The following BCAT1 variants were observed in gnomAD, a reference collection of about 807,000 sequenced individuals.
BCAT1 encodes branched chain amino acid transaminase 1.
BCAT1 carries 48 observed loss-of-function variants against 52.4 expected under a neutral mutation model. That is an observed-to-expected ratio of 0.92 (90% CI 0.73 to 1.16). BCAT1 has a LOEUF of 1.16. Ranked by LOEUF, BCAT1 falls within the 50% of genes most tolerant of loss-of-function variation. The pLI is 0.00. For missense variants in BCAT1, 451 were observed against 457.1 expected (o/e 0.99, Z 0.12); for synonymous variants, 167 against 161.3 (o/e 1.04, Z -0.27).
At chr12:24,928,459 G>A (rs1189027868) in intron 1 of BCAT1, among the ~76,000 whole-genome samples, 1 of 151,894 alleles carries the variant, frequency 6.6e-6, no homozygotes, top group Non-Finnish European at 1.5e-5. Flanking sequence ...GGCAAAAGGG[G>A]GATCTGGTCT....
At chr12:24,900,300 T>C (rs1333134018) in intron 2 of BCAT1, among the ~76,000 whole-genome samples, 1 of 152,200 alleles carries the variant, frequency 6.6e-6, no homozygotes. Flanking sequence ...AAAAAGATTA[T>C]TTATGGCCAG....
chr12:24,866,845 G>A (rs1276423995), intron 5 of BCAT1, among the ~76,000 whole-genome samples: 1 of 152,096 alleles, frequency 6.6e-6, no homozygotes, highest in East Asian at 1.9e-4. Context: ...GCAGGATGTG[G>A]GTGGGGCCAG....
intron 4 of BCAT1, among the ~76,000 whole-genome samples, chr12:24,878,907 TA>T (rs1176959098): frequency 3.9e-5 from 6 of 152,146 alleles, no homozygotes; most frequent in Middle Eastern, 3.4e-3. Context: ...ATGGTACCAA[TA>T]AAAAAAATTT....
Position 24,812,954 on chromosome 12 carries a change from T to C in BCAT1, c.*5054A>G, listed in dbSNP as rs1939738741. The C allele has an allele frequency of 1.3e-5, 2 of 151,998 alleles. No individual in the cohort carries two copies. The highest frequency in any genetic ancestry group is 6.6e-5 in the Admixed American group (1 of 15,232). 9.4% of individuals were successfully genotyped at this position (151,998 alleles called of 1,614,324 possible). A position where few individuals can be genotyped will look rare whatever the true frequency, so the allele number is the denominator to read the frequency against. On this transcript the variant is annotated 3_prime_UTR_variant, in exon 11 of 11. Coordinates refer to ENST00000261192, the MANE Select transcript of BCAT1 (RefSeq NM_005504.7). The stretch of plus-strand genomic sequence containing the variant: ...TACGTCTTGTTGATTGGGTCTATTG[T>C]AGAATGAAAAATACACTTTCAGACA...
At chr12:24,902,400 A>G (rs1362606891) in intron 1 of BCAT1, 3 of 1,101,866 alleles carry the variant, frequency 2.7e-6, no homozygotes, top group Non-Finnish European at 3.3e-6. Context: ...CACACCTTAA[A>G]CCTCATGGTA....
intron 5 of BCAT1, among the ~76,000 whole-genome samples, chr12:24,869,982 G>A (rs1942135147): frequency 6.9e-6 from 1 of 144,500 alleles, no homozygotes; most frequent in African/African-American, 2.6e-5. Flanking sequence ...ACATGTAAGG[G>A]TGTGTGTGTG....
intron 1 of BCAT1, among the ~76,000 whole-genome samples, chr12:24,914,157 C>A (rs1453928558): frequency 2.0e-5 from 3 of 151,122 alleles, no homozygotes; most frequent in South Asian, 2.1e-4. Flanking sequence ...TCTCAGCTCA[C>A]TGCAAGCTCT....
At chr12:24,866,851 G>A (rs1193524154) in intron 5 of BCAT1, among the ~76,000 whole-genome samples, 1 of 152,052 alleles carries the variant, frequency 6.6e-6, no homozygotes, top group Non-Finnish European at 1.5e-5. Context: ...TGTGGGTGGG[G>A]CCAGATAAGA....
intron 6 of BCAT1, among the ~76,000 whole-genome samples, chr12:24,842,669 T>C (rs1941210042): frequency 2.0e-5 from 3 of 152,154 alleles, no homozygotes; most frequent in South Asian, 2.1e-4. Flanking sequence ...CAAGTTGCAA[T>C]AGAAGAGCAG....
rs1269948782 is a variant in BCAT1 at position 24,815,983 on chromosome 12, G to A, written c.*2025C>T. ...GAATGAGGTCAAAGGAGTTAGCCAAGGCGAAAGCACACCCTTAGAATGTTG... is the reference window on the plus strand; with the variant it reads ...GAATGAGGTCAAAGGAGTTAGCCAAAGCGAAAGCACACCCTTAGAATGTTG... On this transcript the variant is annotated 3_prime_UTR_variant, in exon 11 of 11. Coordinates refer to ENST00000261192, the MANE Select transcript of BCAT1 (RefSeq NM_005504.7). 1 of 152,254 alleles carries A rather than the reference G, an allele frequency of 6.6e-6. No homozygotes were observed. The highest frequency in any genetic ancestry group is 1.5e-5 in the Non-Finnish European group (1 of 68,102). The allele number at this position is 152,254 out of a possible 1,614,324, so 9.4% of individuals were successfully genotyped here.
At chr12:24,825,814 C>G (rs1439917378) in intron 10 of BCAT1, among the ~76,000 whole-genome samples, 46 of 152,134 alleles carry the variant, frequency 3.0e-4, no homozygotes, top group Non-Finnish European at 1.2e-4. Context: ...AATCTATTCC[C>G]TTTGTGGATT....
At chr12:24,903,206 C>T in intron 1 of BCAT1, 1 of 1,048,450 alleles carries the variant, frequency 9.5e-7, no homozygotes, top group Non-Finnish European at 1.2e-6. Context: ...CCCAGTCTGT[C>T]TGCAGTCGCT....
intron 5 of BCAT1, among the ~76,000 whole-genome samples, chr12:24,874,726 G>T (rs1025645968): frequency 2.6e-5 from 4 of 152,140 alleles, no homozygotes; most frequent in Non-Finnish European, 5.9e-5. Flanking sequence ...TCTGATCCTG[G>T]CTCTAGAAAT....
At chr12:24,948,856 T>C in intron 1 of BCAT1, 71 bp downstream of exon 1, 1 of 1,536,248 alleles carries the variant, frequency 6.5e-7, no homozygotes, top group Non-Finnish European at 8.8e-7. Context: ...CAACTATGTT[T>C]CTTGGAGAAA....
chr12:24,889,306 T>C (rs1942772109), intron 3 of BCAT1, among the ~76,000 whole-genome samples: 3 of 152,228 alleles, frequency 2.0e-5, no homozygotes. Context: ...ATATCTGGCC[T>C]GTGAAATCTT....
In BCAT1 at chr12:24,889,597, T is replaced by C. The variant is rs539302913; in HGVS notation, c.279+4678A>G. ...TGGCTGGTAACTCCCATAGCCCTTG[T>C]TACAGTCTTTTGTTATAATGCTGGG... On this transcript the variant is annotated intron_variant, in intron 3 of 10. Coordinates refer to ENST00000261192, the MANE Select transcript of BCAT1 (RefSeq NM_005504.7). 2.0e-5 allele frequency among the ~76,000 whole-genome samples: 3 copies of C among 152,288 alleles called. No individual in the cohort carries two copies. In the East Asian group the frequency reaches 5.8e-4, roughly 29 times the overall value.
chr12:24,920,101 CT>C (rs1257491504), intron 1 of BCAT1, among the ~76,000 whole-genome samples: 3 of 152,096 alleles, frequency 2.0e-5, no homozygotes, highest in African/African-American at 7.2e-5. Context: ...ATTTCTCTAT[CT>C]GTAAAATAAT....
chr12:24,863,448 G>A (rs774449624), intron 5 of BCAT1, among the ~76,000 whole-genome samples: 4 of 152,184 alleles, frequency 2.6e-5, no homozygotes, highest in Non-Finnish European at 4.4e-5. Context: ...AACACTCAAC[G>A]TTTGAAGAGT....
At chr12:24,880,766 T>A (rs952985500) in intron 4 of BCAT1, among the ~76,000 whole-genome samples, 3 of 152,164 alleles carry the variant, frequency 2.0e-5, no homozygotes, top group African/African-American at 7.2e-5. Context: ...CACTTGCATA[T>A]GAATCCCCCA....
Sources: gnomAD v4.1 joint callset for allele counts (sites outside exome capture counted in the v4.1 genomes callset) on GRCh38, gnomAD v4.1.1 for gene constraint, MANE v1.5 for transcripts, NCBI Gene and HGNC (gene_info 2026-07-23, HGNC 2026-07-21) for gene names.